TMED3: variants seen among roughly 807,000 people sequenced by gnomAD.
TMED3 encodes transmembrane p24 trafficking protein 3.
In TMED3, 9 loss-of-function variants were observed where a neutral mutation model predicts 15.0. The ratio of observed to expected loss-of-function variants is 0.60; its 90% CI spans 0.36 to 1.04. The LOEUF (loss-of-function observed/expected upper bound fraction) is 1.04, where lower values mean the gene tolerates loss of function less well. Among genes scored for constraint, TMED3 ranks in the 50% least tolerant of loss-of-function variants. The pLI is 0.01. For missense variants in TMED3, 267 were observed against 278.9 expected (o/e 0.96, Z 0.30); for synonymous variants, 117 against 121.4 (o/e 0.96, Z 0.24).
intron 2 of TMED3, among the ~76,000 whole-genome samples, chr15:79,338,165 T>G (rs930485515): frequency 1.3e-5 from 2 of 152,240 alleles, no homozygotes; most frequent in South Asian, 4.1e-4. Context: ...AAAACACAGA[T>G]TGTAAAGAAA....
Position 79,410,056 on chromosome 15 carries a change from C to T in TMED3, c.418-1344C>T, listed in dbSNP as rs543305111. Among the ~76,000 whole-genome samples the T allele has an allele frequency of 3.3e-5, 5 of 152,042 alleles. No homozygotes were observed. The East Asian group carries it at 7.7e-4, about 23-fold the overall frequency. On this transcript the variant is annotated intron_variant, in intron 2 of 2. Transcript: ENST00000424155. ...CTACACCCTATGCTCCTTTCATACC[C>T]GATGAATTTTACGCCGCACACATAT...
At chr15:79,342,307 C>T (rs2058854547) in intron 2 of TMED3, among the ~76,000 whole-genome samples, 1 of 151,976 alleles carries the variant, frequency 6.6e-6, no homozygotes, top group Non-Finnish European at 1.5e-5. Flanking sequence ...ATACAAGAAA[C>T]ACAATTAAGA....
intron 2 of TMED3, among the ~76,000 whole-genome samples, chr15:79,318,905 T>A (rs1337151713): frequency 6.6e-6 from 1 of 152,232 alleles, no homozygotes; most frequent in Non-Finnish European, 1.5e-5. Flanking sequence ...TCCTGATGTC[T>A]GGAACCCTTC....
At chr15:79,356,799 A>T (rs1303743548) in intron 2 of TMED3, among the ~76,000 whole-genome samples, 1 of 152,172 alleles carries the variant, frequency 6.6e-6, no homozygotes, top group African/African-American at 2.4e-5. Flanking sequence ...CTGTGTAGAG[A>T]TATTCACTGC....
chr15:79,400,794 A>G (rs1258557906), intron 2 of TMED3, among the ~76,000 whole-genome samples: 2 of 152,176 alleles, frequency 1.3e-5, no homozygotes, highest in African/African-American at 4.8e-5. Context: ...ACTTAATGTC[A>G]AGGGACCTTT....
intron 2 of TMED3, among the ~76,000 whole-genome samples, chr15:79,387,594 GCA>G (rs60358297): frequency 0.22 from 33,026 of 149,192 alleles, 3,782 homozygotes; most frequent in Admixed American, 0.3. Context: ...ACATGCACCT[GCA>G]CACACACACA....
chr15:79,322,036 C>T lies in TMED3; in HGVS notation c.476C>T (p.Thr159Met), dbSNP rs781775422. The change falls in exon 3 of 3, where the codon ACG becomes ATG. Residue 159 changes from threonine to methionine, a missense_variant. Transcript: ENST00000299705. Reference protein sequence around the residue: ...EALKTVIDSQTHYRLREAQDR... With the variant: ...EALKTVIDSQMHYRLREAQDR... ...CTGAAAACGGTGATTGACTCCCAGACGCATTACCGGCTGCGGGAGGCCCAG... is the reference window on the plus strand; with the variant it reads ...CTGAAAACGGTGATTGACTCCCAGATGCATTACCGGCTGCGGGAGGCCCAG... The T allele has an allele frequency of 1.8e-5, 29 of 1,614,082 alleles. No individual in the cohort carries two copies. The highest frequency in any genetic ancestry group is 1.6e-4 in the Middle Eastern group (1 of 6,084).
chr15:79,393,431 A>G (rs190762823), intron 2 of TMED3, among the ~76,000 whole-genome samples: 16 of 152,326 alleles, frequency 1.1e-4, no homozygotes, highest in African/African-American at 3.6e-4. Flanking sequence ...ACTTGGTTTG[A>G]AAGACATTGT....
intron 2 of TMED3, among the ~76,000 whole-genome samples, chr15:79,337,266 C>G (rs192643616): frequency 6.6e-6 from 1 of 152,168 alleles, no homozygotes; most frequent in South Asian, 2.1e-4. Context: ...TGTCCTCACA[C>G]GGTCCCTTCC....
chr15:79,332,717 C>G (rs370420843), intron 2 of TMED3, among the ~76,000 whole-genome samples: 2 of 152,162 alleles, frequency 1.3e-5, no homozygotes, highest in East Asian at 1.9e-4. Flanking sequence ...CACGGACCTA[C>G]CTGGTTGTGA....
intron 2 of TMED3, among the ~76,000 whole-genome samples, chr15:79,356,304 G>A (rs1023646479): frequency 2.0e-5 from 3 of 152,166 alleles, no homozygotes; most frequent in South Asian, 2.1e-4. Context: ...TTCATTTAGC[G>A]ACAGGGTGGG....
chr15:79,322,853 G>A, downstream of TMED3: 1 of 985,474 alleles, frequency 1.0e-6, no homozygotes, highest in Non-Finnish European at 1.2e-6. Context: ...GGAGACTTGT[G>A]CCTTTATTTC....
chr15:79,320,773 CA>C (rs546788151), intron 2 of TMED3, among the ~76,000 whole-genome samples: 4 of 152,282 alleles, frequency 2.6e-5, no homozygotes, highest in African/African-American at 9.6e-5. Flanking sequence ...TGTCTTAATG[CA>C]ATACTCACTT....
At chr15:79,355,331 G>A (rs905769564) in intron 2 of TMED3, among the ~76,000 whole-genome samples, 1 of 152,166 alleles carries the variant, frequency 6.6e-6, no homozygotes, top group Non-Finnish European at 1.5e-5. Context: ...AAACCTGGAG[G>A]TGGTGGGAGT....
chr15:79,403,075 A>T lies in TMED3; in HGVS notation c.418-8325A>T, dbSNP rs115957126. On this transcript the variant is annotated intron_variant, in intron 2 of 2. Coordinates refer to the TMED3 transcript ENST00000424155. ...CTCTATTCAAAAGAAAAAAAAAGTC[A>T]GCCAGGTGTGGTGGTGCATGCCTGT... 8.7e-3 allele frequency among the ~76,000 whole-genome samples: 1,314 copies of T among 151,660 alleles called. 23 individuals are homozygous for T. Among genetic ancestry groups the T allele is most frequent in the African/African-American group, 0.03 (1,234 of 41,384 alleles).
In TMED3 at chr15:79,311,144, C is replaced by G. The variant is rs1030497617; in HGVS notation, c.-106C>G. On this transcript the variant is annotated 5_prime_UTR_variant, in exon 1 of 3. Transcript: ENST00000299705. ...GAAGCGCAGAGCTCCGCTGGTGCCA[C>G]GTCTATCCCCTTACATCCTCCTAGG... The G allele has an allele frequency of 5.5e-6, 7 of 1,278,356 alleles. No homozygotes were observed. Among genetic ancestry groups the G allele is most frequent in the Non-Finnish European group, 7.3e-6 (7 of 961,504 alleles). The allele number at this position is 1,278,356 out of a possible 1,614,324, so 79.2% of individuals were successfully genotyped here.
chr15:79,411,732 G>A (rs1893983999), exon 3 of TMED3: 6 of 487,634 alleles, frequency 1.2e-5, no homozygotes, highest in African/African-American at 1.9e-5. Context: ...AGACACTTGA[G>A]CTGGCAGGGA....
chr15:79,397,983 A>G (rs1893784057), intron 2 of TMED3, among the ~76,000 whole-genome samples: 1 of 152,240 alleles, frequency 6.6e-6, no homozygotes, highest in African/African-American at 2.4e-5. Flanking sequence ...GTACATTAAT[A>G]CATCATTATC....
chr15:79,387,460 G>T (rs1250274889), intron 2 of TMED3, among the ~76,000 whole-genome samples: 1 of 152,090 alleles, frequency 6.6e-6, no homozygotes, highest in Non-Finnish European at 1.5e-5. Flanking sequence ...ACCTTTATAA[G>T]TGTTGACATT....
Sources: allele counts gnomAD v4.1 joint callset (sites outside exome capture counted in the v4.1 genomes callset), GRCh38; gene constraint gnomAD v4.1.1; transcripts MANE v1.5; gene names NCBI Gene and HGNC (gene_info 2026-07-23, HGNC 2026-07-21).